Variants in PTPRQ observed in about 807,000 individuals in gnomAD.
PTPRQ encodes protein tyrosine phosphatase receptor type Q.
In PTPRQ, 199 loss-of-function variants were observed where a neutral mutation model predicts 246.0. That is an observed-to-expected ratio of 0.81 (90% confidence interval 0.72 to 0.91). The LOEUF is 0.91. Ranked by LOEUF, PTPRQ falls within the 40% of genes least tolerant of loss-of-function variation. PTPRQ has a pLI of 0.00. For synonymous variants in PTPRQ, 869 were observed against 853.2 expected (o/e 1.02, Z -0.32); for missense variants, 2,624 against 2,528.4 (o/e 1.04, Z -0.81).
intron 40 of PTPRQ, 56 bp from the exon 41 acceptor site, chr12:80,669,283 A>G (rs1900889253): frequency 1.3e-6 from 2 of 1,539,736 alleles, no homozygotes; most frequent in Non-Finnish European, 1.7e-6. Context: ...ACTGTGGTAT[A>G]CATATATATC....
At chr12:80,596,857 A>G (rs1227249518) in intron 26 of PTPRQ, among the ~76,000 whole-genome samples, 2 of 152,058 alleles carry the variant, frequency 1.3e-5, no homozygotes, top group African/African-American at 2.4e-5. Flanking sequence ...TAGTAAATCA[A>G]TTGAGATCCA....
At chr12:80,525,864 T>C (rs1895670046) in intron 17 of PTPRQ, 1 of 152,146 alleles carries the variant, frequency 6.6e-6, no homozygotes, top group Non-Finnish European at 1.5e-5. Context: ...AAAAGCTCAG[T>C]TCCCTTTCTA....
intron 19 of PTPRQ, among the ~76,000 whole-genome samples, chr12:80,535,826 G>T (rs1329555921): frequency 6.6e-6 from 1 of 152,182 alleles, no homozygotes; most frequent in East Asian, 1.9e-4. Context: ...AGAAAAACAC[G>T]GCCGGGCGTG....
At chr12:80,491,130 T>A (rs754796845) in intron 9 of PTPRQ, among the ~76,000 whole-genome samples, 1 of 151,936 alleles carries the variant, frequency 6.6e-6, no homozygotes, top group Non-Finnish European at 1.5e-5. Flanking sequence ...TCAGCAGAGA[T>A]GCTTAACATA....
chr12:80,449,414 C>A (rs1325062314), intron 3 of PTPRQ, among the ~76,000 whole-genome samples: 5 of 152,058 alleles, frequency 3.3e-5, no homozygotes, highest in African/African-American at 1.2e-4. Context: ...CTTTTGTTGC[C>A]ATTGCTTTTG....
intron 17 of PTPRQ, among the ~76,000 whole-genome samples, chr12:80,520,014 G>A (rs1895421999): frequency 6.6e-6 from 1 of 152,222 alleles, no homozygotes; most frequent in South Asian, 2.1e-4. Context: ...CATAGGTTAA[G>A]TGTGTGTTTT....
chr12:80,629,896 CCTA>C (rs1054032823), intron 33 of PTPRQ, among the ~76,000 whole-genome samples: 1 of 152,050 alleles, frequency 6.6e-6, no homozygotes, highest in African/African-American at 2.4e-5. Flanking sequence ...CCCCCAAATA[CCTA>C]CTAACTCAAT....
At position 80,506,069 on chromosome 12, in the gene PTPRQ, C is replaced by A; in HGVS notation, c.2318C>A (p.Ser773Tyr). The A allele has an allele frequency of 6.5e-7, 1 of 1,546,912 alleles. No homozygotes were observed. The highest frequency in any genetic ancestry group is 1.4e-5 in the African/African-American group (1 of 72,906). ...PENITYKNIS[S>Y]GEIELSFLPP... ...AATATCACTTACAAAAATATTTCTT[C>A]TGGAGAGATTGAGCTATCATTCCTT... is the stretch of plus-strand genomic sequence containing the variant. The change falls in exon 15 of 45, where the codon TCT becomes TAT. Residue 773 changes from serine to tyrosine, a missense_variant. Ser to Tyr is a moderately radical substitution (Grantham distance 144). Coordinates refer to ENST00000644991, the MANE Select transcript of PTPRQ (RefSeq NM_001145026.2).
At chr12:80,626,301 T>C (rs1413202354) in intron 33 of PTPRQ, among the ~76,000 whole-genome samples, 1 of 152,200 alleles carries the variant, frequency 6.6e-6, no homozygotes, top group African/African-American at 2.4e-5. Flanking sequence ...ATATTGAATT[T>C]ATGAGATTGT....
At chr12:80,656,252 A>G (rs1900429961) in intron 38 of PTPRQ, among the ~76,000 whole-genome samples, 1 of 152,212 alleles carries the variant, frequency 6.6e-6, no homozygotes, top group Non-Finnish European at 1.5e-5. Context: ...TCATTTTAAC[A>G]TATTATGTGC....
chr12:80,623,127 G>A (rs1024311902), intron 33 of PTPRQ, among the ~76,000 whole-genome samples: 1 of 152,064 alleles, frequency 6.6e-6, no homozygotes, highest in African/African-American at 2.4e-5. Context: ...GTTGCTCAGT[G>A]TATCTTGAAC....
chr12:80,537,327 G>A (rs549299813), intron 19 of PTPRQ, among the ~76,000 whole-genome samples: 1 of 152,156 alleles, frequency 6.6e-6, no homozygotes, highest in East Asian at 1.9e-4. Context: ...CTTTTTATTT[G>A]TTCCTTATCA....
intron 38 of PTPRQ, among the ~76,000 whole-genome samples, chr12:80,654,328 G>T (rs2121237897): frequency 6.6e-6 from 1 of 152,234 alleles, no homozygotes; most frequent in South Asian, 2.1e-4. Flanking sequence ...CTAAGACCAG[G>T]ACATTTTTCA....
At chr12:80,678,891 C>T (rs1901230647) in intron 44 of PTPRQ, 95 bp from the exon 45 acceptor site, 1 of 1,455,648 alleles carries the variant, frequency 6.9e-7, no homozygotes, top group Non-Finnish European at 9.1e-7. Flanking sequence ...GCTAATAATA[C>T]CCTTTCTGTC....
rs527618942 is a variant in PTPRQ, at chr12:80,496,229, A to AATGTTCTT, written c.1991-20_1991-13dup. 4,863 of 1,547,626 alleles carry AATGTTCTT rather than the reference A, an allele frequency of 3.1e-3. 13 individuals carry two copies. Among genetic ancestry groups the AATGTTCTT allele is most frequent in the Non-Finnish European group, 3.3e-3 (3,820 of 1,145,830 alleles). ...CATCAATAAAAATATAGGTACTACA[A>AATGTTCTT]ATGTTCTTTTCTTCCCCTAGAACCG... On this transcript the variant is annotated intron_variant, in intron 13 of 44. Coordinates refer to ENST00000644991, the MANE Select transcript of PTPRQ (RefSeq NM_001145026.2).
chr12:80,608,297 A>G (rs1321642089), intron 27 of PTPRQ, among the ~76,000 whole-genome samples: 1 of 150,720 alleles, frequency 6.6e-6, no homozygotes, highest in Admixed American at 6.6e-5. Flanking sequence ...AATTGATTGA[A>G]GGAAAATGAG....
chr12:80,625,708 C>G (rs1220748821), intron 33 of PTPRQ, among the ~76,000 whole-genome samples: 36 of 152,084 alleles, frequency 2.4e-4, no homozygotes, highest in Non-Finnish European at 1.5e-5. Flanking sequence ...TTTAGGGAAA[C>G]CTTTCTGGCC....
At chr12:80,536,776 A>G (rs1592627466) in intron 19 of PTPRQ, among the ~76,000 whole-genome samples, 1 of 152,210 alleles carries the variant, frequency 6.6e-6, no homozygotes, top group Non-Finnish European at 1.5e-5. Context: ...GTTGTTTACA[A>G]TTGTAACAAT....
intron 20 of PTPRQ, among the ~76,000 whole-genome samples, chr12:80,541,080 G>A (rs1896136552): frequency 6.6e-6 from 1 of 152,046 alleles, no homozygotes; most frequent in Non-Finnish European, 1.5e-5. Context: ...TCTTGGGAAA[G>A]CTTTTAGTAT....
Sources: allele counts gnomAD v4.1 joint callset (sites outside exome capture counted in the v4.1 genomes callset), GRCh38; gene constraint gnomAD v4.1.1; transcripts MANE v1.5; gene names NCBI Gene and HGNC (gene_info 2026-07-23, HGNC 2026-07-21).